Variants in PAK5 observed in about 807,000 individuals in gnomAD.
PAK5 encodes the protein serine/threonine-protein kinase PAK 5.
In PAK5, 16 loss-of-function variants were observed where a neutral mutation model predicts 65.9. The observed-to-expected ratio is 0.24, with a 90% confidence interval of 0.16 to 0.37. The LOEUF (loss-of-function observed/expected upper bound fraction) is 0.37. Ranked by LOEUF, PAK5 falls within the 10% of genes least tolerant of loss-of-function variation. The pLI, the probability that PAK5 is intolerant of heterozygous loss-of-function variation, is 1.00. For missense variants in PAK5, 785 were observed against 903.9 expected, an observed-to-expected ratio of 0.87 and a Z score of 1.69; for synonymous variants, 371 against 354.9, an observed-to-expected ratio of 1.05 and a Z score of -0.51.
At chr20:9,806,346 T>C (rs1366302309) in intron 1 of PAK5, among the ~76,000 whole-genome samples, 2 of 152,170 alleles carry the variant, frequency 1.3e-5, no homozygotes, top group Non-Finnish European at 2.9e-5. Flanking sequence ...AAAATAACTT[T>C]CCAGGCCTCA....
At chr20:9,597,850 C>T (rs1461473106) in intron 3 of PAK5, among the ~76,000 whole-genome samples, 1 of 152,178 alleles carries the variant, frequency 6.6e-6, no homozygotes, top group East Asian at 1.9e-4. Flanking sequence ...AGCCTCTAGC[C>T]AACTCAGAAG....
chr20:9,693,074 G>T (rs1045317126), intron 2 of PAK5, among the ~76,000 whole-genome samples: 1 of 152,076 alleles, frequency 6.6e-6, no homozygotes, highest in Non-Finnish European at 1.5e-5. Context: ...TATTCTGAGT[G>T]TCCTGCAGTT....
chr20:9,812,881 T>A (rs2049314159), intron 1 of PAK5, among the ~76,000 whole-genome samples: 1 of 152,170 alleles, frequency 6.6e-6, no homozygotes, highest in Non-Finnish European at 1.5e-5. Context: ...TACCCTGATT[T>A]GATATTACAC....
At chr20:9,809,825 G>A (rs2049277175) in intron 1 of PAK5, among the ~76,000 whole-genome samples, 1 of 152,102 alleles carries the variant, frequency 6.6e-6, no homozygotes, top group Non-Finnish European at 1.5e-5. Flanking sequence ...CCACTCTTCG[G>A]AGAATACTAC....
intron 3 of PAK5, among the ~76,000 whole-genome samples, chr20:9,607,546 C>T (rs1489635597): frequency 2.6e-5 from 4 of 152,192 alleles, no homozygotes; most frequent in Admixed American, 6.5e-5. Flanking sequence ...GTGTAGAAAA[C>T]GCAGGCATGG....
chr20:9,702,621 G>A (rs924384696), intron 2 of PAK5, among the ~76,000 whole-genome samples: 2 of 152,132 alleles, frequency 1.3e-5, no homozygotes, highest in African/African-American at 2.4e-5. Context: ...TAAAGGGCCC[G>A]TGATATTCCA....
intron 4 of PAK5, among the ~76,000 whole-genome samples, chr20:9,574,574 C>G (rs1468385264): frequency 2.0e-5 from 3 of 152,114 alleles, no homozygotes; most frequent in Admixed American, 2.0e-4. Context: ...ACGGACAATG[C>G]CAGGTTAAAT....
intron 2 of PAK5, among the ~76,000 whole-genome samples, chr20:9,698,691 C>T (rs192397924): frequency 2.8e-4 from 42 of 152,180 alleles, no homozygotes; most frequent in Middle Eastern, 3.4e-3. Flanking sequence ...TTGTTTCACC[C>T]GGAGCTCAGA....
intron 3 of PAK5, among the ~76,000 whole-genome samples, chr20:9,610,675 C>T (rs984307042): frequency 1.3e-5 from 2 of 152,182 alleles, no homozygotes; most frequent in African/African-American, 4.8e-5. Flanking sequence ...GCTTGGATTT[C>T]TTTAACTGTT....
chr20:9,615,583 T>G (rs1203549936), intron 3 of PAK5, among the ~76,000 whole-genome samples: 2 of 152,204 alleles, frequency 1.3e-5, no homozygotes, highest in African/African-American at 4.8e-5. Flanking sequence ...TGACTTAGAA[T>G]AAGTCCTTCG....
chr20:9,714,523 T>C (rs2048118351), intron 1 of PAK5, among the ~76,000 whole-genome samples: 2 of 152,176 alleles, frequency 1.3e-5, no homozygotes, highest in South Asian at 4.1e-4. Context: ...AATATGAATT[T>C]ATGTTTTAAA....
rs778650336 is a variant in PAK5 at position 9,838,414 on chromosome 20, C to A, written c.-162+348G>T. Among the ~76,000 whole-genome samples the A allele has an allele frequency of 1.8e-4, 27 of 152,236 alleles. No individual in the cohort carries two copies. The highest frequency in any genetic ancestry group is 3.2e-4 in the Non-Finnish European group (22 of 68,006). Reference sequence around the variant, plus strand: ...ACACAAAGAACTGGTGCTGGGCTTGCGAGCAGTTCGGGGTACCAGCACGCT... The same window carrying A: ...ACACAAAGAACTGGTGCTGGGCTTGAGAGCAGTTCGGGGTACCAGCACGCT... On this transcript the variant is annotated intron_variant, in intron 1 of 9. Coordinates refer to ENST00000353224, the MANE Select transcript of PAK5 (RefSeq NM_177990.4). This position sits in a 1 kb window ranked among gnomAD's most constrained non-coding sequence, Gnocchi z 4.5.
At chr20:9,800,776 T>G (rs1445109247) in intron 1 of PAK5, among the ~76,000 whole-genome samples, 1 of 151,804 alleles carries the variant, frequency 6.6e-6, no homozygotes, top group Non-Finnish European at 1.5e-5. Flanking sequence ...CTAAAGAGAT[T>G]AACCCAACAT....
At position 9,537,632 on chromosome 20, in the gene PAK5, T is replaced by G. The variant is rs1369805409; in HGVS notation, c.*1830A>C. 4.6e-6 allele frequency: 1 copy of G among 217,334 alleles called. No individual in the cohort carries two copies. The highest frequency in any genetic ancestry group is 9.3e-6 in the Non-Finnish European group (1 of 107,980). The allele number at this position is 217,334 out of a possible 1,614,324, so 13.5% of individuals were successfully genotyped here. ...GTTTAAAAAAGATTTTCTTTTTCTT[T>G]TCTTTCTACTTCTACATAGTCCTGG... On this transcript the variant is annotated 3_prime_UTR_variant, in exon 10 of 10. Coordinates refer to ENST00000353224, the MANE Select transcript of PAK5 (RefSeq NM_177990.4).
chr20:9,789,716 G>A (rs888112105), intron 1 of PAK5, among the ~76,000 whole-genome samples: 4 of 152,042 alleles, frequency 2.6e-5, no homozygotes, highest in Non-Finnish European at 4.4e-5. Context: ...CAGGAGTTTG[G>A]GGGCAGACAA....
intron 3 of PAK5, among the ~76,000 whole-genome samples, chr20:9,618,437 C>T (rs219864): frequency 0.36 from 51,551 of 143,522 alleles, 11,125 homozygotes; most frequent in South Asian, 0.62. Context: ...GACAGAGTCT[C>T]GCTCTGTCAC....
intron 3 of PAK5, among the ~76,000 whole-genome samples, chr20:9,581,365 A>T (rs1204710483): frequency 2.6e-5 from 4 of 152,150 alleles, no homozygotes; most frequent in African/African-American, 4.8e-5. Flanking sequence ...TACATTCATT[A>T]TTCAGATGAT....
intron 1 of PAK5, among the ~76,000 whole-genome samples, chr20:9,731,131 G>T (rs756414751): frequency 6.6e-6 from 1 of 152,098 alleles, no homozygotes; most frequent in Non-Finnish European, 1.5e-5. Context: ...CTGTCTAATA[G>T]AAATATAATG....
intron 2 of PAK5, among the ~76,000 whole-genome samples, chr20:9,667,926 A>G (rs2047441760): frequency 6.6e-6 from 1 of 152,216 alleles, no homozygotes; most frequent in African/African-American, 2.4e-5. Flanking sequence ...AAGTAATAGT[A>G]GCTTGCCAGT....
Sources: gnomAD v4.1 joint callset for allele counts (sites outside exome capture counted in the v4.1 genomes callset) on GRCh38, gnomAD v4.1.1 for gene constraint, Gnocchi (gnomAD v3.1) non-coding constraint, MANE v1.5 for transcripts, NCBI Gene and HGNC (gene_info 2026-07-23, HGNC 2026-07-21) for gene names.